TRAPPC9: variants seen among roughly 807,000 people sequenced by gnomAD.
TRAPPC9 encodes the protein IKK2 binding protein.
In TRAPPC9, 83 loss-of-function variants were observed where a neutral mutation model predicts 124.0. The observed-to-expected ratio is 0.67, with a 90% CI of 0.56 to 0.80. The LOEUF (loss-of-function observed/expected upper bound fraction) is 0.80. Among genes scored for constraint, TRAPPC9 ranks in the 30% least tolerant of loss-of-function variants. TRAPPC9 has a pLI of 0.00. For missense variants in TRAPPC9, 1,302 were observed against 1,508.3 expected, an observed-to-expected ratio of 0.86 and a Z score of 2.27; for synonymous variants, 638 against 617.5, an observed-to-expected ratio of 1.03 and a Z score of -0.49.
At chr8:139,828,631 C>G (rs1342647767) in intron 21 of TRAPPC9, among the ~76,000 whole-genome samples, 1 of 152,196 alleles carries the variant, frequency 6.6e-6, no homozygotes, top group African/African-American at 2.4e-5. Context: ...CCCAGGGTGT[C>G]TGACACTGGG....
intron 21 of TRAPPC9, among the ~76,000 whole-genome samples, chr8:139,734,710 G>GC (rs1446003878): frequency 8.5e-5 from 13 of 152,318 alleles, no homozygotes; most frequent in African/African-American, 3.1e-4. Flanking sequence ...ACCCACTGTT[G>GC]AGCAAGCTCA....
intron 19 of TRAPPC9, among the ~76,000 whole-genome samples, chr8:139,920,114 G>T (rs1025711619): frequency 4.2e-4 from 64 of 152,342 alleles, no homozygotes; most frequent in African/African-American, 1.5e-3. Flanking sequence ...GGGAGGCTAA[G>T]CCGGGCGGAT....
chr8:140,151,346 G>C, intron 17 of TRAPPC9, among the ~76,000 whole-genome samples: 1 of 152,214 alleles, frequency 6.6e-6, no homozygotes, highest in South Asian at 2.1e-4. Context: ...CCTTCCTCCC[G>C]CTCTGTATTA....
chr8:140,296,859 C>A (rs28378438), intron 11 of TRAPPC9, among the ~76,000 whole-genome samples: 3 of 152,060 alleles, frequency 2.0e-5, no homozygotes, highest in Non-Finnish European at 4.4e-5. Context: ...GTAGGGGAGA[C>A]AGTTCATCAC....
intron 17 of TRAPPC9, among the ~76,000 whole-genome samples, chr8:140,037,167 G>C (rs1304179800): frequency 1.3e-5 from 2 of 151,832 alleles, no homozygotes; most frequent in African/African-American, 4.8e-5. Context: ...GTGAAAGCAG[G>C]CTGCCCGGGC....
At chr8:140,026,621 A>G (rs1033862288) in intron 17 of TRAPPC9, among the ~76,000 whole-genome samples, 16 of 152,268 alleles carry the variant, frequency 1.1e-4, no homozygotes, top group African/African-American at 3.8e-4. Flanking sequence ...CTTATGGTCC[A>G]TTTATGTATC....
At chr8:139,955,579 G>C (rs1343268495) in intron 19 of TRAPPC9, among the ~76,000 whole-genome samples, 1 of 152,190 alleles carries the variant, frequency 6.6e-6, no homozygotes, top group Non-Finnish European at 1.5e-5. Context: ...CTCCCAGGCA[G>C]CCAGTCCAGA....
chr8:140,388,023 C>T (rs894010533), intron 7 of TRAPPC9, among the ~76,000 whole-genome samples: 7 of 151,906 alleles, frequency 4.6e-5, no homozygotes, highest in Non-Finnish European at 5.9e-5. Flanking sequence ...CACATGTACA[C>T]CATGGAATAC....
intron 21 of TRAPPC9, among the ~76,000 whole-genome samples, chr8:139,840,540 G>A (rs1001738769): frequency 2.6e-5 from 4 of 152,204 alleles, no homozygotes; most frequent in Admixed American, 6.5e-5. Context: ...ATTGGAGGTC[G>A]GCGAGGGTAG....
intron 17 of TRAPPC9, among the ~76,000 whole-genome samples, chr8:140,139,727 G>A (rs538475613): frequency 4.6e-5 from 7 of 152,264 alleles, no homozygotes; most frequent in South Asian, 2.1e-4. Flanking sequence ...TATGGTATTA[G>A]GTTTGGGACA....
chr8:140,089,160 G>A (rs915410911), intron 17 of TRAPPC9, among the ~76,000 whole-genome samples: 1 of 152,112 alleles, frequency 6.6e-6, no homozygotes, highest in Admixed American at 6.6e-5. Flanking sequence ...GTTTCTCCTC[G>A]AAGCCCCTCA....
intron 9 of TRAPPC9, among the ~76,000 whole-genome samples, chr8:140,352,601 C>T (rs74490811): frequency 0.028 from 4,211 of 152,236 alleles, 117 homozygotes; most frequent in African/African-American, 0.072. Flanking sequence ...ACTGAATCCC[C>T]GGTTACACTG....
chr8:140,043,221 A>G (rs1034933149), intron 17 of TRAPPC9, among the ~76,000 whole-genome samples: 16 of 152,228 alleles, frequency 1.1e-4, no homozygotes, highest in African/African-American at 3.6e-4. Flanking sequence ...TCCACTTTTT[A>G]TAGTTTCCAG....
At chr8:140,108,506 G>C (rs1317043954) in intron 17 of TRAPPC9, among the ~76,000 whole-genome samples, 2 of 152,212 alleles carry the variant, frequency 1.3e-5, no homozygotes, top group Non-Finnish European at 2.9e-5. Flanking sequence ...GTAGCACAAA[G>C]CTCCCGCTCG....
chr8:139,777,871 G>A (rs1451549105), intron 21 of TRAPPC9, among the ~76,000 whole-genome samples: 1 of 152,180 alleles, frequency 6.6e-6, no homozygotes, highest in African/African-American at 2.4e-5. Context: ...GACCTCAGGG[G>A]CACCCCTAAA....
intron 5 of TRAPPC9, among the ~76,000 whole-genome samples, chr8:140,423,456 A>C (rs1324170972): frequency 2.0e-5 from 3 of 152,034 alleles, no homozygotes; most frequent in Non-Finnish European, 4.4e-5. Context: ...ACAAATAAAT[A>C]AATAAATCAA....
At chr8:140,307,078 C>T (rs2066158477) in intron 10 of TRAPPC9, among the ~76,000 whole-genome samples, 1 of 152,192 alleles carries the variant, frequency 6.6e-6, no homozygotes, top group Non-Finnish European at 1.5e-5. Context: ...GATCTGAGTA[C>T]ATAACTCCAT....
chr8:140,130,669 C>T lies in TRAPPC9; in HGVS notation c.2556+90790G>A, dbSNP rs115338356. ...GGCAAATGTGAACAGGGTCTGAGGA[C>T]CGGATGGCCATCTCCTTATTTTGAT... On this transcript the variant is annotated intron_variant, in intron 17 of 22. Coordinates refer to ENST00000438773, the MANE Select transcript of TRAPPC9 (RefSeq NM_001160372.4). 4.3e-3 allele frequency among the ~76,000 whole-genome samples: 659 copies of T among 152,220 alleles called. 5 individuals are homozygous for T. The highest frequency in any genetic ancestry group is 0.015 in the African/African-American group (622 of 41,526).
chr8:139,995,403 A>C (rs1354428240), intron 18 of TRAPPC9, among the ~76,000 whole-genome samples: 3 of 152,194 alleles, frequency 2.0e-5, no homozygotes, highest in African/African-American at 7.2e-5. Flanking sequence ...GGAGATAATG[A>C]CATCAGAGCA....
Sources: gnomAD v4.1 joint callset for allele counts (sites outside exome capture counted in the v4.1 genomes callset) on GRCh38, gnomAD v4.1.1 for gene constraint, MANE v1.5 for transcripts, NCBI Gene and HGNC (gene_info 2026-07-23, HGNC 2026-07-21) for gene names.